Variants in FAAH2 observed in about 807,000 individuals in gnomAD.
The protein encoded by FAAH2 is fatty-acid amide hydrolase 2.
Under a neutral mutation model 36.9 loss-of-function variants are expected in FAAH2, and 60 were observed. The observed-to-expected ratio is 1.63, with a 90% confidence interval of 1.32 to 2.02. The LOEUF is 2.02. Among genes scored for constraint, FAAH2 ranks in the 30% most tolerant of loss-of-function variants. The pLI is 0.00. For missense variants in FAAH2, 689 were observed against 397.5 expected, an observed-to-expected ratio of 1.73 and a Z score of -6.23; for synonymous variants, 214 against 143.8, an observed-to-expected ratio of 1.49 and a Z score of -3.49.
At chrX:57,370,812 T>C (rs955808815) in intron 5 of FAAH2, among the ~76,000 whole-genome samples, 6 of 111,747 alleles carry the variant, frequency 5.4e-5, no homozygotes, top group Admixed American at 3.8e-4. Flanking sequence ...GTTGTGTGCT[T>C]CTTATGAGAC....
intron 7 of FAAH2, among the ~76,000 whole-genome samples, chrX:57,410,572 G>A (rs1011725856): frequency 9.0e-6 from 1 of 111,698 alleles, no homozygotes; most frequent in Non-Finnish European, 1.9e-5. Flanking sequence ...AAAGCAAATT[G>A]TAATATCATC....
chrX:57,467,529 G>A (rs2057073645), intron 10 of FAAH2, among the ~76,000 whole-genome samples: 2 of 111,781 alleles, frequency 1.8e-5, no homozygotes, highest in Admixed American at 9.5e-5. Context: ...AGATCAAACT[G>A]CAAGGTGACA....
At position 57,310,727 on chromosome X, in the gene FAAH2, A is replaced by G. The variant is rs761306132; in HGVS notation, c.410A>G (p.Gln137Arg). 1 of 1,199,750 alleles carries G rather than the reference A, an allele frequency of 8.3e-7. No individual in the cohort carries two copies. The highest frequency in any genetic ancestry group is 3.0e-5 in the East Asian group (1 of 33,624). ...PLTVKEAFQLQGMPNSSGLMN... is the reference protein window; with the variant it reads ...PLTVKEAFQLRGMPNSSGLMN... ...ACAGTCAAGGAAGCTTTCCAGCTAC[A>G]AGGTACTATTCTTTTATTTTTGGCT... The change falls in exon 3 of 11, where the codon CAA becomes CGA. Residue 137 changes from glutamine (Q) to arginine (R), a missense_variant and splice_region_variant. Coordinates refer to ENST00000374900, the MANE Select transcript of FAAH2 (RefSeq NM_174912.4).
the FAAH2 span, among the ~76,000 whole-genome samples, chrX:57,249,169 A>G: frequency 0.45 from 49,240 of 110,622 alleles, 10,896 homozygotes; most frequent in African/African-American, 0.86. Flanking sequence ...TTTTTAAATA[A>G]GATTGTTATC....
intron 5 of FAAH2, among the ~76,000 whole-genome samples, chrX:57,369,323 T>C (rs1402977769): frequency 9.0e-6 from 1 of 111,230 alleles, no homozygotes; most frequent in Non-Finnish European, 1.9e-5. Context: ...AACAAAATAG[T>C]AGCTGAAAAT....
At chrX:57,208,563 G>A in the FAAH2 span, among the ~76,000 whole-genome samples, 10 of 111,607 alleles carry the variant, frequency 9.0e-5, no homozygotes, top group East Asian at 8.5e-4. Context: ...CAGCTCAGTC[G>A]TGGAGACCCT....
intron 7 of FAAH2, 59 bp downstream of exon 7, chrX:57,381,088 G>A (rs2054834534): frequency 8.0e-6 from 7 of 873,396 alleles, no homozygotes; most frequent in Non-Finnish European, 8.2e-6. Flanking sequence ...ATCCTTCTGA[G>A]CCCTTTACTT....
chrX:57,355,993 G>A (rs751528886), intron 5 of FAAH2, among the ~76,000 whole-genome samples: 8 of 111,069 alleles, frequency 7.2e-5, no homozygotes, highest in Non-Finnish European at 1.3e-4. Context: ...TGTCATGAAG[G>A]AGGGTTGAAT....
At chrX:57,168,308 C>G in the FAAH2 span, among the ~76,000 whole-genome samples, 2 of 110,317 alleles carry the variant, frequency 1.8e-5, no homozygotes, top group African/African-American at 6.6e-5. Flanking sequence ...AATTTGGCCA[C>G]TAGTGTGCTC....
At chrX:57,221,796 G>A in the FAAH2 span, among the ~76,000 whole-genome samples, 5 of 108,468 alleles carry the variant, frequency 4.6e-5, no homozygotes, top group South Asian at 4.1e-4. Flanking sequence ...GAATACCCCC[G>A]ACACCCACCT....
the FAAH2 span, among the ~76,000 whole-genome samples, chrX:57,242,095 C>T: frequency 3.5e-5 from 4 of 112,791 alleles, no homozygotes; most frequent in Admixed American, 3.7e-4. Flanking sequence ...CAGCACAGAA[C>T]GGGAGCTCCA....
chrX:57,224,281 C>T, the FAAH2 span, among the ~76,000 whole-genome samples: 1 of 111,845 alleles, frequency 8.9e-6, no homozygotes, highest in Non-Finnish European at 1.9e-5. Flanking sequence ...CCAGATGATG[C>T]TTCTGCTACA....
In FAAH2 at chrX:57,447,054, T is replaced by C. The variant is rs972859681; in HGVS notation, c.1228+15T>C. The C allele has an allele frequency of 2.7e-6, 3 of 1,112,091 alleles. No homozygotes were observed. In the Admixed American group the frequency reaches 7.1e-5, roughly 26 times the overall value. The allele number at this position is 1,112,091 out of a possible 1,213,427, so 91.6% of individuals were successfully genotyped here. On this transcript the variant is annotated intron_variant, in intron 9 of 10. Transcript: ENST00000374900. ...CCCTTCCATTGGTATGTAAATCATA[T>C]TCTACCTAGACCAGTTTGATGTCCT...
intron 8 of FAAH2, among the ~76,000 whole-genome samples, chrX:57,439,530 T>A (rs1416060840): frequency 1.8e-5 from 2 of 111,119 alleles, no homozygotes; most frequent in African/African-American, 3.3e-5. Context: ...AGGTTGCAAA[T>A]TTTTCTCCCA....
intron 3 of FAAH2, among the ~76,000 whole-genome samples, chrX:57,324,900 A>G (rs925558888): frequency 3.0e-4 from 34 of 112,034 alleles, no homozygotes; most frequent in Non-Finnish European, 6.0e-4. Context: ...GTGAGAGAGG[A>G]CATCCCTGTC....
intron 5 of FAAH2, among the ~76,000 whole-genome samples, chrX:57,371,061 A>G (rs1336064712): frequency 1.8e-5 from 2 of 112,376 alleles, no homozygotes; most frequent in Admixed American, 1.9e-4. Context: ...ATGTTTGGCC[A>G]CAAATAAGTA....
chrX:57,450,473 T>C (rs969718497), intron 10 of FAAH2, among the ~76,000 whole-genome samples: 6 of 111,932 alleles, frequency 5.4e-5, no homozygotes, highest in African/African-American at 1.9e-4. Flanking sequence ...TTATTTTCAC[T>C]ACATGTATGG....
intron 3 of FAAH2, among the ~76,000 whole-genome samples, chrX:57,323,788 G>A (rs1184350851): frequency 4.4e-4 from 47 of 106,490 alleles, no homozygotes; most frequent in African/African-American, 1.6e-3. Flanking sequence ...CATTTTGTAG[G>A]TTGCCTGTTC....
At chrX:57,248,376 A>G in the FAAH2 span, among the ~76,000 whole-genome samples, 1 of 112,001 alleles carries the variant, frequency 8.9e-6, no homozygotes, top group Admixed American at 9.5e-5. Context: ...AAAGAAATTC[A>G]GTTGTGTCTT....
Sources: allele counts gnomAD v4.1 joint callset (sites outside exome capture counted in the v4.1 genomes callset), GRCh38; gene constraint gnomAD v4.1.1; transcripts MANE v1.5; gene names NCBI Gene and HGNC (gene_info 2026-07-23, HGNC 2026-07-21).